Variants in CFAP47 observed in about 807,000 individuals in gnomAD.
The protein encoded by CFAP47 is cilia and flagella associated protein 47.
Under a neutral mutation model 148.1 loss-of-function variants are expected in CFAP47, and 29 were observed. The ratio of observed to expected loss-of-function variants is 0.20; its 90% confidence interval spans 0.15 to 0.27. The LOEUF (loss-of-function observed/expected upper bound fraction) is 0.27. Ranked by LOEUF, CFAP47 falls within the 10% of genes least tolerant of loss-of-function variation. The probability of loss-of-function intolerance (pLI) is 1.00; values close to 1 mark genes in which losing one functional copy is unlikely to be tolerated. For missense variants in CFAP47, 1,872 were observed against 1,697.5 expected (o/e 1.10, Z -1.81); for synonymous variants, 664 against 577.3 (o/e 1.15, Z -2.15).
intron 21 of CFAP47, among the ~76,000 whole-genome samples, chrX:36,006,953 T>C (rs907905590): frequency 8.9e-6 from 1 of 112,062 alleles, no homozygotes; most frequent in African/African-American, 3.2e-5. Flanking sequence ...CACGTGGCTA[T>C]TGTACAATGC....
At chrX:36,170,575 C>A (rs1939558068) in intron 39 of CFAP47, among the ~76,000 whole-genome samples, 1 of 110,460 alleles carries the variant, frequency 9.1e-6, no homozygotes, top group African/African-American at 3.3e-5. Context: ...TGATAGTTTA[C>A]CGAGAATGAT....
At chrX:35,967,938 T>C (rs1936434029) in intron 10 of CFAP47, 106 bp downstream of exon 10, 1 of 275,150 alleles carries the variant, frequency 3.6e-6, no homozygotes, top group Non-Finnish European at 6.2e-6. Context: ...ATTACAATAA[T>C]AATAATAATA....
intron 28 of CFAP47, 88 bp from the exon 29 acceptor site, chrX:36,073,051 A>G: frequency 1.7e-6 from 1 of 587,485 alleles, no homozygotes; most frequent in Non-Finnish European, 2.8e-6. Context: ...AATAGGTTCT[A>G]TTAGTCTGCA....
At chrX:36,154,625 C>A (rs965380638) in intron 37 of CFAP47, among the ~76,000 whole-genome samples, 6 of 111,837 alleles carry the variant, frequency 5.4e-5, no homozygotes, top group African/African-American at 1.9e-4. Flanking sequence ...TCCAGAATCA[C>A]CCTTTTAGGT....
chrX:36,090,273 C>T (rs1014451454), intron 30 of CFAP47, among the ~76,000 whole-genome samples: 1 of 111,777 alleles, frequency 8.9e-6, no homozygotes. Flanking sequence ...AACCTGAATG[C>T]ATTTTTTTCA....
chrX:36,090,358 A>G (rs1176644531), intron 30 of CFAP47, among the ~76,000 whole-genome samples: 5 of 111,990 alleles, frequency 4.5e-5, no homozygotes, highest in Admixed American at 1.9e-4. Flanking sequence ...TACTTAAGTC[A>G]ATCCTGATTG....
chrX:36,380,536 C>T lies in CFAP47; in HGVS notation c.9354+1018C>T, dbSNP rs6629081. Among the ~76,000 whole-genome samples, 1,078 of 111,843 alleles carry T rather than the reference C, an allele frequency of 9.6e-3. 34 individuals carry two copies. The highest frequency in any genetic ancestry group is 0.076 in the Admixed American group (806 of 10,585). ...TCGGCTCACTGCAGGCTCTGCCTAACGGGTTCACGCCATTCTCCTGCCTCA... is the reference window on the plus strand; with the variant it reads ...TCGGCTCACTGCAGGCTCTGCCTAATGGGTTCACGCCATTCTCCTGCCTCA... On this transcript the variant is annotated intron_variant, in intron 63 of 63. Transcript: ENST00000378653.
At chrX:35,925,329 C>T (rs756855772) in intron 1 of CFAP47, among the ~76,000 whole-genome samples, 4 of 110,345 alleles carry the variant, frequency 3.6e-5, no homozygotes, top group Non-Finnish European at 5.7e-5. Flanking sequence ...GAGCAGAGAT[C>T]ACGCCACTGC....
At chrX:36,114,032 G>C (rs888515067) in intron 33 of CFAP47, among the ~76,000 whole-genome samples, 1 of 109,972 alleles carries the variant, frequency 9.1e-6, no homozygotes, top group East Asian at 2.9e-4. Flanking sequence ...GGATGGTCTC[G>C]ATCTGCTGAC....
chrX:35,924,022 CAT>C (rs199708975), intron 1 of CFAP47, among the ~76,000 whole-genome samples: 1,303 of 80,693 alleles, frequency 0.016, 125 homozygotes, highest in African/African-American at 0.059. Context: ...TATATATGCA[CAT>C]ATATATGCAC....
chrX:35,950,090 C>T (rs775421783), intron 4 of CFAP47, among the ~76,000 whole-genome samples: 1 of 111,293 alleles, frequency 9.0e-6, no homozygotes, highest in East Asian at 2.8e-4. Context: ...AAGGTGGGGC[C>T]TGAGTGAGTT....
rs780497060 is a variant in CFAP47 at position 36,142,096 on chromosome X, G to C, written c.5536-3123G>C. Among the ~76,000 whole-genome samples, 3 of 112,082 alleles carry C rather than the reference G, an allele frequency of 2.7e-5. No homozygotes were observed. The Admixed American group carries it at 2.8e-4, about 11-fold the overall frequency. ...AAAGGGGAAAATGATTGTTGGGAAG[G>C]CATTCAATAGCTGTCTTTGTAGGAT... On this transcript the variant is annotated intron_variant, in intron 35 of 63. Transcript: ENST00000378653.
intron 1 of CFAP47, among the ~76,000 whole-genome samples, chrX:35,923,923 A>G (rs1235694441): frequency 5.9e-5 from 4 of 67,457 alleles, no homozygotes; most frequent in Non-Finnish European, 1.0e-4. Flanking sequence ...ATATATGTAC[A>G]TATATATGTG....
intron 3 of CFAP47, among the ~76,000 whole-genome samples, chrX:35,943,238 AC>A: frequency 8.9e-6 from 1 of 112,017 alleles, no homozygotes; most frequent in Non-Finnish European, 1.9e-5. Context: ...GATTTTAATA[AC>A]ATTTTTAAAA....
intron 22 of CFAP47, among the ~76,000 whole-genome samples, chrX:36,017,980 ACT>A (rs1937115718): frequency 9.1e-6 from 1 of 110,294 alleles, no homozygotes; most frequent in Non-Finnish European, 1.9e-5. Context: ...TACAATAGTG[ACT>A]CTTCCAAACC....
rs1193916638 is a variant in CFAP47 at position 36,191,776 on chromosome X, G to A, written c.6321+1580G>A. ...AGGTGGGCAGAATACCTGAGGTCAG[G>A]AGTTTGAGACCACCCTGGCCACATG... is the stretch of plus-strand genomic sequence containing the variant. On this transcript the variant is annotated intron_variant, in intron 42 of 63. Coordinates refer to ENST00000378653, the MANE Select transcript of CFAP47 (RefSeq NM_001304548.2). Among the ~76,000 whole-genome samples, 5 of 109,843 alleles carry A rather than the reference G, an allele frequency of 4.6e-5. No homozygotes were observed. In the Admixed American group the frequency reaches 4.9e-4, roughly 11 times the overall value.
intron 45 of CFAP47, among the ~76,000 whole-genome samples, chrX:36,212,891 T>A (rs1385481829): frequency 9.0e-6 from 1 of 110,673 alleles, no homozygotes; most frequent in Non-Finnish European, 1.9e-5. Context: ...GGTGGGTAGA[T>A]TGCTTGAGAC....
rs1456014513 is a variant in CFAP47, at chrX:35,971,889, A to G, written c.2178A>G (p.Ser726=). 4.2e-6 allele frequency: 5 copies of G among 1,200,220 alleles called. No individual in the cohort carries two copies. Among genetic ancestry groups the G allele is most frequent in the South Asian group, 3.6e-5 (2 of 55,349 alleles). ...VRRKVLKGLK[S]EPSTPQEKHD... ...TACAGGTTCTCAAAGGACTTAAATCAGAACCATCCACTCCACAAGAAAAAC... is the reference window on the plus strand; with the variant it reads ...TACAGGTTCTCAAAGGACTTAAATCGGAACCATCCACTCCACAAGAAAAAC... The change falls in exon 13 of 64, where the codon TCA becomes TCG. Residue 726 remains serine, a synonymous_variant. Transcript: ENST00000378653.
intron 8 of CFAP47, 69 bp from the exon 9 acceptor site, chrX:35,966,496 T>C: frequency 1.4e-6 from 1 of 732,008 alleles, no homozygotes; most frequent in Non-Finnish European, 1.8e-6. Context: ...ACTGGTTTTT[T>C]TTTTAGATTT....
Sources: gnomAD v4.1 joint callset for allele counts (sites outside exome capture counted in the v4.1 genomes callset) on GRCh38, gnomAD v4.1.1 for gene constraint, MANE v1.5 for transcripts, NCBI Gene and HGNC (gene_info 2026-07-23, HGNC 2026-07-21) for gene names.